STAT3: variants seen among roughly 807,000 people sequenced by gnomAD.
STAT3 encodes the protein signal transducer and activator of transcription 3, also known as DNA-binding protein APRF.
In STAT3, 7 loss-of-function variants were observed where a neutral mutation model predicts 114.3. The observed-to-expected ratio is 0.06, with a 90% CI of 0.03 to 0.11. The LOEUF (loss-of-function observed/expected upper bound fraction) is 0.11. STAT3 is among the 10% of genes least tolerant of loss of function. STAT3 has a pLI of 1.00. For synonymous variants in STAT3, 331 were observed against 354.5 expected (o/e 0.93, Z 0.74); for missense variants, 364 against 960.9 (o/e 0.38, Z 8.21).
chr17:42,388,062 G>A, intron 1 of STAT3: 1 of 531,242 alleles, frequency 1.9e-6, no homozygotes, highest in Non-Finnish European at 2.9e-6. Flanking sequence ...TTTCTCCGAA[G>A]AACGAAACTT....
At chr17:42,384,256 G>C (rs1189342329) in intron 1 of STAT3, among the ~76,000 whole-genome samples, 2 of 150,648 alleles carry the variant, frequency 1.3e-5, no homozygotes, top group Non-Finnish European at 3.0e-5. Context: ...AGCCTCCCGA[G>C]TAGCTGGGAC....
chr17:42,313,546 G>T lies in STAT3; in HGVS notation c.*2199C>A, dbSNP rs1233097444. 2.6e-5 allele frequency: 6 copies of T among 231,434 alleles called. No homozygotes were observed. The highest frequency in any genetic ancestry group is 5.1e-5 in the Non-Finnish European group (6 of 116,898). The allele number at this position is 231,434 out of a possible 1,614,324, so 14.3% of individuals were successfully genotyped here. On this transcript the variant is annotated 3_prime_UTR_variant, in exon 24 of 24. Transcript: ENST00000264657. ...ATTCCCTCGGCTGGGCTGGGGATGG[G>T]GAGGGGGCAGTGGACAGGAAGCGGG... is the stretch of plus-strand genomic sequence containing the variant.
chr17:42,349,448 A>G (rs2082843231), intron 1 of STAT3, among the ~76,000 whole-genome samples: 1 of 152,214 alleles, frequency 6.6e-6, no homozygotes. Flanking sequence ...TGTAGCCAAA[A>G]TGTAGAAATT....
Position 42,323,103 on chromosome 17 carries a change from T to C in STAT3, c.1789A>G (p.Ile597Val). 1 of 1,614,210 alleles carries C rather than the reference T, an allele frequency of 6.2e-7. No individual in the cohort carries two copies. Among genetic ancestry groups the C allele is most frequent in the Non-Finnish European group, 8.5e-7 (1 of 1,180,032 alleles). The part of the protein sequence containing the change: ...GFISKERERA[I>V]LSTKPPGTFL... ...GTGCCTGGAGGCTTAGTGCTCAAGA[T>C]GGCCCGCTCCCGCTCCTTACTGATA... is the stretch of plus-strand genomic sequence containing the variant. The change falls in exon 20 of 24, where the codon ATC (isoleucine) becomes GTC (valine). Residue 597 changes from isoleucine to valine, a missense_variant. Coordinates refer to ENST00000264657, the MANE Select transcript of STAT3 (RefSeq NM_139276.3).
At chr17:42,336,417 G>A (rs1446566392) in intron 8 of STAT3, among the ~76,000 whole-genome samples, 1 of 151,998 alleles carries the variant, frequency 6.6e-6, no homozygotes, top group Non-Finnish European at 1.5e-5. Flanking sequence ...AGGCAACAAA[G>A]TAAGACCCTG....
At chr17:42,351,743 TTAAC>T (rs2082971762) in intron 1 of STAT3, among the ~76,000 whole-genome samples, 1 of 151,962 alleles carries the variant, frequency 6.6e-6, no homozygotes, top group Admixed American at 6.6e-5. Context: ...CTTCTATAAA[TTAAC>T]TAAATATTCC....
At chr17:42,326,031 C>G in intron 15 of STAT3, 85 bp downstream of exon 15, 1 of 1,224,840 alleles carries the variant, frequency 8.2e-7, no homozygotes, top group Non-Finnish European at 1.2e-6. Flanking sequence ...ATCATTCCAC[C>G]TTCTCTTGTA....
intron 11 of STAT3, 111 bp from the exon 12 acceptor site, chr17:42,329,887 T>C: frequency 8.1e-7 from 1 of 1,233,626 alleles, no homozygotes; most frequent in East Asian, 2.5e-5. Flanking sequence ...CTCCTGGGCA[T>C]TTCTTTAAAC....
chr17:42,361,197 A>G (rs2083488774), intron 1 of STAT3, among the ~76,000 whole-genome samples: 1 of 152,144 alleles, frequency 6.6e-6, no homozygotes, highest in Admixed American at 6.6e-5. Flanking sequence ...TTCGAAAGCT[A>G]CGGCTGGGCA....
chr17:42,329,763 C>A lies in STAT3; in HGVS notation c.1123G>T (p.Val375Phe), dbSNP rs781724933. 8.7e-6 allele frequency: 14 copies of A among 1,614,074 alleles called. No individual in the cohort carries two copies. Among genetic ancestry groups the A allele is most frequent in the Non-Finnish European group, 1.1e-5 (13 of 1,180,046 alleles). ...TGAACTTACCCTCTGAGAGCTGCAACGTCCCCAGAGTCTCTGTAAGAACAC... is the reference window on the plus strand; with the variant it reads ...TGAACTTACCCTCTGAGAGCTGCAAAGTCCCCAGAGTCTCTGTAAGAACAC... Reference protein sequence around the residue: ...KVCIDKDSGDVAALRGSRKFN... With the variant: ...KVCIDKDSGDFAALRGSRKFN... The change falls in exon 12 of 24, where the codon GTT (valine) becomes TTT (phenylalanine). Residue 375 changes from valine (V) to phenylalanine (F), a missense_variant. This residue lies in a region of STAT3 where 294 missense variants were observed against 745.1 expected (regional missense o/e 0.39). Transcript: ENST00000264657.
chr17:42,321,685 T>C (rs1377218559), intron 21 of STAT3, among the ~76,000 whole-genome samples: 1 of 152,224 alleles, frequency 6.6e-6, no homozygotes, highest in Non-Finnish European at 1.5e-5. Flanking sequence ...AAAAGCCATA[T>C]GCTGGGCTGA....
intron 1 of STAT3, among the ~76,000 whole-genome samples, chr17:42,350,642 G>A (rs1186112107): frequency 6.6e-6 from 1 of 152,090 alleles, no homozygotes; most frequent in African/African-American, 2.4e-5. Flanking sequence ...CTCCCTCTTT[G>A]GGGGACAGAC....
chr17:42,383,626 A>AAGC (rs2084924590), intron 1 of STAT3, among the ~76,000 whole-genome samples: 1 of 152,028 alleles, frequency 6.6e-6, no homozygotes, highest in Admixed American at 6.6e-5. Flanking sequence ...AAGGTGTCTA[A>AAGC]CAAAGAGTAT....
At chr17:42,374,610 C>CAAA (rs1260078348) in intron 1 of STAT3, among the ~76,000 whole-genome samples, 50 of 120,832 alleles carry the variant, frequency 4.1e-4, no homozygotes, top group Non-Finnish European at 6.3e-4. Context: ...AACTCCATCT[C>CAAA]AAAAAAAAAA....
chr17:42,354,326 C>A (rs1442651723), intron 1 of STAT3, among the ~76,000 whole-genome samples: 2 of 150,496 alleles, frequency 1.3e-5, no homozygotes, highest in African/African-American at 2.4e-5. Context: ...TGCCCCACCA[C>A]GCCCGGCTAA....
chr17:42,384,752 T>C (rs1309301229), intron 1 of STAT3, among the ~76,000 whole-genome samples: 1 of 151,740 alleles, frequency 6.6e-6, no homozygotes, highest in Admixed American at 6.6e-5. Flanking sequence ...GAGGGAGTTT[T>C]ACCACGTTGC....
At chr17:42,348,673 T>C (rs1236769669) in intron 1 of STAT3, 134 bp from the exon 2 acceptor site, 1 of 1,011,120 alleles carries the variant, frequency 9.9e-7, no homozygotes, top group Non-Finnish European at 1.5e-6. Context: ...CCTGCTTCTT[T>C]CTCCCAGTTT....
intron 4 of STAT3, among the ~76,000 whole-genome samples, chr17:42,345,037 G>A (rs369089711): frequency 1.5e-4 from 22 of 151,680 alleles, no homozygotes; most frequent in African/African-American, 4.8e-4. Context: ...AGGCTGAGGC[G>A]GGCGGATCAC....
intron 23 of STAT3, 24 bp downstream of exon 23, chr17:42,316,765 A>C: frequency 6.2e-7 from 1 of 1,613,550 alleles, no homozygotes; most frequent in Non-Finnish European, 8.5e-7. Context: ...TTATAGGGAC[A>C]AAGTCTGTCA....
Sources: gnomAD v4.1 joint callset for allele counts (sites outside exome capture counted in the v4.1 genomes callset) on GRCh38, gnomAD v4.1.1 for gene constraint, gnomAD v4.1.1 regional missense constraint, MANE v1.5 for transcripts, NCBI Gene and HGNC (gene_info 2026-07-23, HGNC 2026-07-21) for gene names.